TRAPPC9: variants seen among roughly 807,000 people sequenced by gnomAD.
TRAPPC9 encodes the protein IKK2 binding protein.
Under a neutral mutation model 124.0 loss-of-function variants are expected in TRAPPC9, and 83 were observed. That is an observed-to-expected ratio of 0.67 (90% confidence interval 0.56 to 0.80). The LOEUF (loss-of-function observed/expected upper bound fraction) is 0.80. TRAPPC9 is among the 30% of genes least tolerant of loss of function. The pLI is 0.00. For missense variants in TRAPPC9, 1,302 were observed against 1,508.3 expected, an observed-to-expected ratio of 0.86 and a Z score of 2.27; for synonymous variants, 638 against 617.5, an observed-to-expected ratio of 1.03 and a Z score of -0.49.
intron 17 of TRAPPC9, among the ~76,000 whole-genome samples, chr8:140,035,825 C>A (rs904370999): frequency 6.6e-6 from 1 of 152,238 alleles, no homozygotes; most frequent in African/African-American, 2.4e-5. Flanking sequence ...AGCCCACAGC[C>A]AACACCAGGC....
chr8:139,947,907 TAG>T (rs59810983), intron 19 of TRAPPC9, among the ~76,000 whole-genome samples: 2 of 60,366 alleles, frequency 3.3e-5, no homozygotes, highest in African/African-American at 1.2e-4. Context: ...TATATATATA[TAG>T]AGAGAGAGAG....
At position 140,214,455 on chromosome 8, in the gene TRAPPC9, T is replaced by A. The variant is rs574029075; in HGVS notation, c.2556+7004A>T. The stretch of plus-strand genomic sequence containing the variant: ...TCTTGTTGTTAACAACCAGCAGGAC[T>A]GTGACTGACCTGGACTCACTGACCA... On this transcript the variant is annotated intron_variant, in intron 17 of 22. Transcript: ENST00000438773. 1.4e-4 allele frequency among the ~76,000 whole-genome samples: 22 copies of A among 152,346 alleles called. No homozygotes were observed. The East Asian group carries it at 4.2e-3, about 29-fold the overall frequency.
intron 17 of TRAPPC9, among the ~76,000 whole-genome samples, chr8:140,061,095 G>T (rs1294432790): frequency 6.6e-6 from 1 of 152,198 alleles, no homozygotes; most frequent in Non-Finnish European, 1.5e-5. Context: ...AATATCGTCA[G>T]ATCATTCAAA....
intron 21 of TRAPPC9, among the ~76,000 whole-genome samples, chr8:139,756,278 G>A (rs1586774833): frequency 7.3e-6 from 1 of 137,368 alleles, no homozygotes; most frequent in South Asian, 2.4e-4. Context: ...GCCAGGGTTT[G>A]GGGATGAGGA....
intron 19 of TRAPPC9, among the ~76,000 whole-genome samples, chr8:139,915,100 C>T (rs1832031518): frequency 6.6e-6 from 1 of 152,216 alleles, no homozygotes; most frequent in South Asian, 2.1e-4. Context: ...GCACCTGCCT[C>T]GTCTGCAGCG....
chr8:140,091,220 G>A (rs987954350), intron 17 of TRAPPC9, among the ~76,000 whole-genome samples: 3 of 152,150 alleles, frequency 2.0e-5, no homozygotes, highest in African/African-American at 7.2e-5. Context: ...TCCGTCTCCT[G>A]CCCCCTCATC....
chr8:140,220,499 G>A (rs2063313843), intron 17 of TRAPPC9, among the ~76,000 whole-genome samples: 1 of 152,164 alleles, frequency 6.6e-6, no homozygotes, highest in Admixed American at 6.5e-5. Context: ...CTTCTTTACT[G>A]CAGAGCCCAA....
chr8:140,101,191 G>A (rs2060571889), intron 17 of TRAPPC9, among the ~76,000 whole-genome samples: 1 of 152,242 alleles, frequency 6.6e-6, no homozygotes, highest in African/African-American at 2.4e-5. Flanking sequence ...CCAGGCTGGA[G>A]TGCAATGGTG....
At chr8:139,748,417 G>T (rs1819092396) in intron 21 of TRAPPC9, among the ~76,000 whole-genome samples, 1 of 119,198 alleles carries the variant, frequency 8.4e-6, no homozygotes, top group Non-Finnish European at 1.8e-5. Flanking sequence ...GGGCTGTGCA[G>T]GGGTCAGAGC....
At chr8:140,375,284 G>A (rs2068404443) in intron 7 of TRAPPC9, among the ~76,000 whole-genome samples, 1 of 152,154 alleles carries the variant, frequency 6.6e-6, no homozygotes, top group South Asian at 2.1e-4. Flanking sequence ...GCACAGTCAC[G>A]AAGTCCAAGT....
In TRAPPC9 at chr8:140,252,744, T is replaced by C. The variant is rs780626162; in HGVS notation, c.2431+33A>G. On this transcript the variant is annotated intron_variant, in intron 16 of 22. Transcript: ENST00000438773. The surrounding 1 kb of genome is among the most constrained non-coding windows in gnomAD (Gnocchi z 4.2). The stretch of plus-strand genomic sequence containing the variant: ...GGTTGCTACACAGTATCTAGGACCC[T>C]GACGTGCTAATTAAAATTAGGAAAG... 4 of 1,610,346 alleles carry C rather than the reference T, an allele frequency of 2.5e-6. No individual in the cohort carries two copies. Among genetic ancestry groups the C allele is most frequent in the South Asian group, 1.1e-5 (1 of 91,056 alleles).
chr8:139,885,465 G>C (rs1829943232), intron 21 of TRAPPC9, among the ~76,000 whole-genome samples: 1 of 152,160 alleles, frequency 6.6e-6, no homozygotes, highest in African/African-American at 2.4e-5. Context: ...ACCACACCCT[G>C]TTCTCTTTTG....
intron 21 of TRAPPC9, among the ~76,000 whole-genome samples, chr8:139,817,512 C>A (rs1824928277): frequency 6.6e-6 from 1 of 152,222 alleles, no homozygotes; most frequent in Non-Finnish European, 1.5e-5. Context: ...TCCTCACGGC[C>A]CTCAATCGAG....
chr8:139,876,409 C>T (rs992456663), intron 21 of TRAPPC9, among the ~76,000 whole-genome samples: 7 of 152,214 alleles, frequency 4.6e-5, no homozygotes, highest in Non-Finnish European at 1.0e-4. Context: ...CATCCTCATG[C>T]GTACCGGGAC....
intron 15 of TRAPPC9, among the ~76,000 whole-genome samples, chr8:140,271,607 A>G (rs1224125005): frequency 1.3e-5 from 2 of 152,222 alleles, no homozygotes; most frequent in East Asian, 1.9e-4. Context: ...CTCATACAAA[A>G]GAGGATATAC....
chr8:140,455,296 C>G (rs1236132088), intron 1 of TRAPPC9, among the ~76,000 whole-genome samples: 11 of 151,824 alleles, frequency 7.2e-5, no homozygotes, highest in Non-Finnish European at 1.5e-5. Flanking sequence ...CCATGCTCGG[C>G]TAATTTTTGT....
intron 17 of TRAPPC9, among the ~76,000 whole-genome samples, chr8:140,033,115 A>G (rs924568810): frequency 6.6e-6 from 1 of 152,148 alleles, no homozygotes; most frequent in African/African-American, 2.4e-5. Context: ...TACACTAAGG[A>G]GATTACCCCT....
chr8:140,305,300 C>T (rs1402626382), intron 10 of TRAPPC9, among the ~76,000 whole-genome samples: 3 of 151,906 alleles, frequency 2.0e-5, no homozygotes, highest in Admixed American at 6.6e-5. Flanking sequence ...TTAACTTGTT[C>T]TTTTTTTTGA....
At chr8:139,886,170 TC>T (rs1830003182) in intron 20 of TRAPPC9, among the ~76,000 whole-genome samples, 1 of 152,212 alleles carries the variant, frequency 6.6e-6, no homozygotes, top group Admixed American at 6.5e-5. Flanking sequence ...CAAGTGCTTG[TC>T]CTCCTACCCC....
Sources: allele counts gnomAD v4.1 joint callset (sites outside exome capture counted in the v4.1 genomes callset), GRCh38; gene constraint gnomAD v4.1.1; non-coding constraint Gnocchi (gnomAD v3.1); transcripts MANE v1.5; gene names NCBI Gene and HGNC (gene_info 2026-07-23, HGNC 2026-07-21).